The following PEAK1 variants were observed in gnomAD, a reference collection of about 807,000 sequenced individuals.
PEAK1 encodes pseudopodium enriched atypical kinase 1.
PEAK1 carries 54 observed loss-of-function variants against 124.7 expected under a neutral mutation model. The ratio of observed to expected loss-of-function variants is 0.43; its 90% CI spans 0.35 to 0.54. PEAK1 has a LOEUF of 0.54. Ranked by LOEUF, PEAK1 falls within the 20% of genes least tolerant of loss-of-function variation. The pLI is 0.01. For synonymous variants in PEAK1, 719 were observed against 760.0 expected (o/e 0.95, Z 0.89); for missense variants, 2,046 against 2,134.5 (o/e 0.96, Z 0.82).
Position 77,178,328 on chromosome 15 carries a change from T to G in PEAK1, c.3137+462A>C, listed in dbSNP as rs77568974. The G allele has an allele frequency of 4.8e-3, 755 of 156,484 alleles. 14 individuals are homozygous for G. Among genetic ancestry groups the G allele is most frequent in the African/African-American group, 0.017 (717 of 41,714 alleles). The allele number at this position is 156,484 out of a possible 1,614,324, so 9.7% of individuals were successfully genotyped here. ...GAGACAGCAATAAAAAAACAAATATTCCCTTAAAATAAGTAATGCATATAG... is the reference window on the plus strand; with the variant it reads ...GAGACAGCAATAAAAAAACAAATATGCCCTTAAAATAAGTAATGCATATAG... On this transcript the variant is annotated intron_variant, in intron 7 of 9. Coordinates refer to ENST00000682557, the MANE Select transcript of PEAK1 (RefSeq NM_001385026.1).
At chr15:77,313,678 GTGTGTGTGTGTGTGTA>G (rs1567244711) in intron 2 of PEAK1, among the ~76,000 whole-genome samples, 8 of 118,490 alleles carry the variant, frequency 6.8e-5, no homozygotes, top group Non-Finnish European at 1.2e-4. Flanking sequence ...GTGTGTGTGT[GTGTGTGTGTGTGTGTA>G]TATATATATA....
chr15:77,264,700 A>C (rs1216673874), intron 5 of PEAK1, among the ~76,000 whole-genome samples: 1 of 152,168 alleles, frequency 6.6e-6, no homozygotes, highest in African/African-American at 2.4e-5. Flanking sequence ...TATAGATTCA[A>C]TGCCATCCCC....
Position 77,178,779 on chromosome 15 carries a change from A to G in PEAK1, c.3137+11T>C, listed in dbSNP as rs1420769479. 2 of 1,607,496 alleles carry G rather than the reference A, an allele frequency of 1.2e-6. No individual in the cohort carries two copies. Among genetic ancestry groups the G allele is most frequent in the African/African-American group, 1.3e-5 (1 of 74,860 alleles). Reference sequence around the variant, plus strand: ...AAAAATTCCCATATTCTTCCAGTCTATTTTACATACCTGAGAATCTTTTTA... The same window carrying G: ...AAAAATTCCCATATTCTTCCAGTCTGTTTTACATACCTGAGAATCTTTTTA... On this transcript the variant is annotated intron_variant, in intron 7 of 9. Transcript: ENST00000682557.
At chr15:77,346,121 A>G (rs2066860790) in intron 2 of PEAK1, 1 of 985,308 alleles carries the variant, frequency 1.0e-6, no homozygotes, top group Admixed American at 6.1e-5. Context: ...CAAGAGTCAA[A>G]GCTATATTTT....
chr15:77,292,742 T>C (rs970225437), intron 2 of PEAK1, among the ~76,000 whole-genome samples: 3 of 152,132 alleles, frequency 2.0e-5, no homozygotes, highest in African/African-American at 4.8e-5. Flanking sequence ...AGTAGGCCAA[T>C]TTGGAAATAC....
At chr15:77,229,032 G>A (rs890031271) in intron 6 of PEAK1, among the ~76,000 whole-genome samples, 1 of 152,040 alleles carries the variant, frequency 6.6e-6, no homozygotes, top group Non-Finnish European at 1.5e-5. Context: ...TACTCCAGAG[G>A]TTCTCATTCC....
rs771222323 is a variant in PEAK1, at chr15:77,298,064, CAAAAAAAAAAA to C, written c.-602-11571_-602-11561del. On this transcript the variant is annotated intron_variant, in intron 2 of 9. Transcript: ENST00000682557. ...TGGGCGACAGGGCGAGACTCCGTCT[CAAAAAAAAAAA>C]AAAAAAAAAAAAAAAGAATGTCACA... Among the ~76,000 whole-genome samples, 3 of 31,556 alleles carry C rather than the reference CAAAAAAAAAAA, an allele frequency of 9.5e-5. No individual in the cohort carries two copies. The Admixed American group carries it at 1.8e-3, about 18-fold the overall frequency. The allele number at this position is 31,556 out of a possible 152,430, so 20.7% of individuals were successfully genotyped here. A position where few individuals can be genotyped will look rare whatever the true frequency, so the allele number is the denominator to read the frequency against.
At chr15:77,398,262 A>G (rs924617069) in intron 1 of PEAK1, among the ~76,000 whole-genome samples, 17 of 152,320 alleles carry the variant, frequency 1.1e-4, no homozygotes, top group Admixed American at 1.0e-3. Flanking sequence ...CTATGAGGCC[A>G]GTATTACCTT....
chr15:77,114,069 T>C lies in PEAK1; in HGVS notation c.*87A>G. Reference sequence around the variant, plus strand: ...TAGAGGTTTGCCTTTCTTCTTTCCTTGAATTTGGAGTGAGCACTAGGGAGG... The same window carrying C: ...TAGAGGTTTGCCTTTCTTCTTTCCTCGAATTTGGAGTGAGCACTAGGGAGG... On this transcript the variant is annotated 3_prime_UTR_variant, in exon 10 of 10. Coordinates refer to ENST00000682557, the MANE Select transcript of PEAK1 (RefSeq NM_001385026.1). The C allele has an allele frequency of 7.1e-7, 1 of 1,415,348 alleles. No individual in the cohort carries two copies. Among genetic ancestry groups the C allele is most frequent in the Non-Finnish European group, 9.8e-7 (1 of 1,025,256 alleles). The allele number at this position is 1,415,348 out of a possible 1,614,324, so 87.7% of individuals were successfully genotyped here.
chr15:77,140,528 T>C (rs893563027), intron 8 of PEAK1, among the ~76,000 whole-genome samples: 4 of 152,090 alleles, frequency 2.6e-5, no homozygotes, highest in African/African-American at 9.7e-5. Flanking sequence ...GAAAAAACAT[T>C]TGATAAAACC....
At chr15:77,347,971 T>A (rs2141403435) in intron 2 of PEAK1, 1 of 985,192 alleles carries the variant, frequency 1.0e-6, no homozygotes, top group South Asian at 4.7e-5. Flanking sequence ...CTGTATAGGT[T>A]GCATAATGCT....
rs531569562 is a variant in PEAK1 at position 77,175,695 on chromosome 15, T to C, written c.3137+3095A>G. On this transcript the variant is annotated intron_variant, in intron 7 of 9. Transcript: ENST00000682557. The stretch of plus-strand genomic sequence containing the variant: ...TCAACCATTGTGGAAGTCAGTGTGG[T>C]GATTCCTCAGGCATCTAGAACTAGA... Among the ~76,000 whole-genome samples the C allele has an allele frequency of 7.8e-3, 1,184 of 152,252 alleles. 15 individuals are homozygous for C. Among genetic ancestry groups the C allele is most frequent in the African/African-American group, 0.027 (1,119 of 41,548 alleles).
intron 9 of PEAK1, among the ~76,000 whole-genome samples, chr15:77,119,507 T>C (rs1195858368): frequency 6.6e-6 from 1 of 152,174 alleles, no homozygotes. Flanking sequence ...TCTGACCAGA[T>C]TCCTAAATAC....
rs189154989 is a variant in PEAK1 at position 77,193,521 on chromosome 15, G to T, written c.-114-11481C>A. Among the ~76,000 whole-genome samples, 1,226 of 152,214 alleles carry T rather than the reference G, an allele frequency of 8.1e-3. 10 individuals carry two copies. Among genetic ancestry groups the T allele is most frequent in the South Asian group, 0.033 (161 of 4,826 alleles). Reference sequence around the variant, plus strand: ...CGTGTCCACCGCTCTTTTAAAAAAGGTACCCAAATGTCCTTTCCGCAATTA... The same window carrying T: ...CGTGTCCACCGCTCTTTTAAAAAAGTTACCCAAATGTCCTTTCCGCAATTA... On this transcript the variant is annotated intron_variant, in intron 6 of 9. Transcript: ENST00000682557.
chr15:77,158,476 T>C (rs566413703), intron 8 of PEAK1, 27 bp downstream of exon 8: 1 of 1,598,554 alleles, frequency 6.3e-7, no homozygotes, highest in East Asian at 2.2e-5. Context: ...AAAGTTTAAA[T>C]ACTACTTATT....
rs776942479 is a variant in PEAK1, at chr15:77,133,680, G to T, written c.3402C>A (p.Ile1134=). 4.3e-6 allele frequency: 7 copies of T among 1,614,088 alleles called. No homozygotes were observed. The East Asian group carries it at 8.9e-5, about 21-fold the overall frequency. The change falls in exon 9 of 10, where the codon ATC becomes ATA. Residue 1134 remains isoleucine (I), a synonymous_variant. Transcript: ENST00000682557. This position sits in a 1 kb window ranked among gnomAD's most constrained non-coding sequence, Gnocchi z 4.2. ...CTTGGTCTGTTTTCCCTCCAAAGGCGATGGCATCGTCCACAGCTCCCTTGG... is the reference window on the plus strand; with the variant it reads ...CTTGGTCTGTTTTCCCTCCAAAGGCTATGGCATCGTCCACAGCTCCCTTGG... ...RQPKGAVDDA[I]AFGGKTDQEA...
intron 6 of PEAK1, among the ~76,000 whole-genome samples, chr15:77,248,986 A>C (rs912848638): frequency 2.0e-5 from 3 of 151,872 alleles, no homozygotes; most frequent in African/African-American, 7.3e-5. Flanking sequence ...CTTTCGGCTA[A>C]GTTTTGTATT....
intron 6 of PEAK1, among the ~76,000 whole-genome samples, chr15:77,194,773 C>A (rs540395314): frequency 6.6e-6 from 1 of 152,246 alleles, no homozygotes; most frequent in East Asian, 1.9e-4. Context: ...AGCATTCAGA[C>A]AGAAGTGGCA....
At chr15:77,273,909 T>C (rs562980949) in intron 5 of PEAK1, among the ~76,000 whole-genome samples, 4 of 152,032 alleles carry the variant, frequency 2.6e-5, no homozygotes, top group African/African-American at 9.7e-5. Context: ...CAAAACAGCA[T>C]TGTACTGGAA....
Sources: allele counts gnomAD v4.1 joint callset (sites outside exome capture counted in the v4.1 genomes callset), GRCh38; gene constraint gnomAD v4.1.1; non-coding constraint Gnocchi (gnomAD v3.1); transcripts MANE v1.5; gene names NCBI Gene and HGNC (gene_info 2026-07-23, HGNC 2026-07-21).